Variants in LEKR1 observed in about 807,000 individuals in gnomAD.
LEKR1 encodes leucine, glutamate and lysine rich 1.
A neutral mutation model predicts 72.4 loss-of-function variants in LEKR1; 59 were observed. That is an observed-to-expected ratio of 0.82 (90% CI 0.66 to 1.01). The LOEUF (loss-of-function observed/expected upper bound fraction) is 1.01, where lower values mean the gene tolerates loss of function less well. LEKR1 is among the 50% of genes least tolerant of loss of function. The pLI is 0.00. For synonymous variants in LEKR1, 257 were observed against 263.2 expected, an observed-to-expected ratio of 0.98 and a Z score of 0.23; for missense variants, 728 against 759.2, an observed-to-expected ratio of 0.96 and a Z score of 0.48.
At chr3:156,982,332 C>T (rs1213057298) in intron 7 of LEKR1, among the ~76,000 whole-genome samples, 1 of 152,062 alleles carries the variant, frequency 6.6e-6, no homozygotes, top group African/African-American at 2.4e-5. Context: ...GCTGCAGTTC[C>T]TCCACTCTAG....
At chr3:157,042,953 G>A (rs145609635) in intron 12 of LEKR1, among the ~76,000 whole-genome samples, 312 of 152,256 alleles carry the variant, frequency 2.0e-3, no homozygotes, top group African/African-American at 7.2e-3. Flanking sequence ...CAGTGTTGGA[G>A]GTGGGGCCTG....
rs564091624 is a variant in LEKR1 at position 156,843,719 on chromosome 3, T to G, written c.49-9049T>G. ...AATAAACTTAATTTCCAGGTTATTTTGGGCCACTGTGGCTAGGTTCAGATT... is the reference window on the plus strand; with the variant it reads ...AATAAACTTAATTTCCAGGTTATTTGGGGCCACTGTGGCTAGGTTCAGATT... On this transcript the variant is annotated intron_variant, in intron 2 of 12. Transcript: ENST00000356539. Among the ~76,000 whole-genome samples the G allele has an allele frequency of 1.4e-3, 208 of 152,254 alleles. 2 individuals are homozygous for G. The highest frequency in any genetic ancestry group is 4.6e-3 in the African/African-American group (190 of 41,560).
chr3:157,041,104 CAG>C (rs1735308863), intron 12 of LEKR1, among the ~76,000 whole-genome samples: 1 of 152,098 alleles, frequency 6.6e-6, no homozygotes, highest in African/African-American at 2.4e-5. Flanking sequence ...TTTTCCTTCT[CAG>C]GGGGAGGGCA....
intron 6 of LEKR1, among the ~76,000 whole-genome samples, chr3:156,966,464 A>G (rs9854093): frequency 0.61 from 93,024 of 152,072 alleles, 29,610 homozygotes; most frequent in Admixed American, 0.74. Flanking sequence ...TTAGCAAATG[A>G]CACATCAGGA....
Position 156,931,896 on chromosome 3 carries a change from AG to A in LEKR1, c.559+4296del, listed in dbSNP as rs1404940896. Among the ~76,000 whole-genome samples, 3 of 152,294 alleles carry A rather than the reference AG, an allele frequency of 2.0e-5. No individual in the cohort carries two copies. In the South Asian group the frequency reaches 6.2e-4, roughly 32 times the overall value. ...TGATAGAAATTCTTTATGTTTTGAT[AG>A]GGGTTTTTATTACATAGTGGATGCA... On this transcript the variant is annotated intron_variant, in intron 5 of 12. Transcript: ENST00000356539.
intron 3 of LEKR1, among the ~76,000 whole-genome samples, chr3:156,884,805 T>A (rs569252750): frequency 1.3e-5 from 2 of 152,314 alleles, no homozygotes; most frequent in East Asian, 3.9e-4. Context: ...TTTGTGCTTC[T>A]TATATTTGGA....
chr3:156,948,724 A>G (rs9862136), intron 6 of LEKR1, among the ~76,000 whole-genome samples: 7,034 of 151,542 alleles, frequency 0.046, 587 homozygotes, highest in African/African-American at 0.16. Flanking sequence ...TTCTGCTTTT[A>G]GCTCCTTGAG....
intron 6 of LEKR1, 84 bp from the exon 7 acceptor site, chr3:156,979,110 C>A (rs1437072271): frequency 1.5e-5 from 9 of 586,078 alleles, no homozygotes; most frequent in Non-Finnish European, 1.7e-5. Flanking sequence ...AGCTGACTAG[C>A]AACAAAAGAA....
At chr3:157,026,602 G>A (rs1210125198) in intron 11 of LEKR1, among the ~76,000 whole-genome samples, 2 of 152,110 alleles carry the variant, frequency 1.3e-5, no homozygotes, top group Non-Finnish European at 2.9e-5. Context: ...ATGAACTATG[G>A]TGAAGAGACT....
At chr3:157,011,216 A>T (rs993613620) in intron 9 of LEKR1, among the ~76,000 whole-genome samples, 197 bp from the exon 10 acceptor site, 7 of 152,106 alleles carry the variant, frequency 4.6e-5, no homozygotes, top group African/African-American at 1.7e-4. Flanking sequence ...GCCTGGGAAA[A>T]ATACCATAAT....
intron 10 of LEKR1, 40 bp downstream of exon 10, chr3:157,011,546 G>A: frequency 7.1e-7 from 1 of 1,407,072 alleles, no homozygotes; most frequent in Non-Finnish European, 1.0e-6. Context: ...CAACCTATTT[G>A]CATTTTAAAA....
intron 7 of LEKR1, among the ~76,000 whole-genome samples, chr3:156,983,050 G>A (rs1268467295): frequency 6.6e-6 from 1 of 151,986 alleles, no homozygotes; most frequent in Non-Finnish European, 1.5e-5. Context: ...GTATGTATAG[G>A]AAACATCAGT....
At position 156,901,033 on chromosome 3, in the gene LEKR1, C is replaced by G. The variant is rs148826614; in HGVS notation, c.264-19542C>G. 2.9e-3 allele frequency among the ~76,000 whole-genome samples: 435 copies of G among 152,016 alleles called. 1 individual carries two copies. The highest frequency in any genetic ancestry group is 1.0e-2 in the African/African-American group (414 of 41,482). On this transcript the variant is annotated intron_variant, in intron 3 of 12. Transcript: ENST00000356539. ...AGAGATGGGATCTTGCTGTGTTGCC[C>G]AGCCTGGTCTTAAACTCCTGACCTA...
chr3:156,981,097 G>T (rs1730158484), intron 7 of LEKR1, among the ~76,000 whole-genome samples: 1 of 152,104 alleles, frequency 6.6e-6, no homozygotes, highest in Admixed American at 6.6e-5. Context: ...TTCTGTATAG[G>T]TTTGTAGCCT....
intron 7 of LEKR1, among the ~76,000 whole-genome samples, chr3:156,982,747 G>A (rs1349020756): frequency 6.6e-6 from 1 of 151,918 alleles, no homozygotes; most frequent in African/African-American, 2.4e-5. Context: ...CTGAAATAAT[G>A]AAAAATATGA....
intron 2 of LEKR1, among the ~76,000 whole-genome samples, chr3:156,842,436 T>G (rs1283707708): frequency 6.6e-6 from 1 of 152,134 alleles, no homozygotes; most frequent in Non-Finnish European, 1.5e-5. Flanking sequence ...CTGTTTCCTT[T>G]TTTTTCTGTG....
chr3:156,937,765 CCAAATGTCCTTCAATGGATGAAAGA>C (rs1228003063), intron 5 of LEKR1, among the ~76,000 whole-genome samples: 1 of 152,096 alleles, frequency 6.6e-6, no homozygotes, highest in Non-Finnish European at 1.5e-5. Context: ...TGGAAACAAC[CCAAATGTCCTTCAATGGATGAAAGA>C]CAAATGTCCT....
At chr3:156,829,870 A>G (rs1712132843) in intron 2 of LEKR1, among the ~76,000 whole-genome samples, 2 of 152,198 alleles carry the variant, frequency 1.3e-5, no homozygotes, top group African/African-American at 2.4e-5. Context: ...ATGGTTTGAA[A>G]AAACTCACAG....
intron 6 of LEKR1, among the ~76,000 whole-genome samples, chr3:156,971,923 G>C (rs956063940): frequency 1.3e-5 from 2 of 152,200 alleles, no homozygotes; most frequent in Non-Finnish European, 2.9e-5. Context: ...CATTGTGGAA[G>C]TCAGTGTGGC....
Sources: gnomAD v4.1 joint callset for allele counts (sites outside exome capture counted in the v4.1 genomes callset) on GRCh38, gnomAD v4.1.1 for gene constraint, MANE v1.5 for transcripts, NCBI Gene and HGNC (gene_info 2026-07-23, HGNC 2026-07-21) for gene names.